The following ANKRD22 variants were observed in gnomAD, a reference collection of about 807,000 sequenced individuals.
The protein encoded by ANKRD22 is ankyrin repeat domain-containing protein 22.
In ANKRD22, 24 loss-of-function variants were observed where a neutral mutation model predicts 25.7. That is an observed-to-expected ratio of 0.93 (90% CI 0.68 to 1.31). The LOEUF is 1.31. ANKRD22 is among the 50% of genes most tolerant of loss of function. ANKRD22 has a pLI of 0.00. For synonymous variants in ANKRD22, 84 were observed against 84.3 expected (o/e 1.00, Z 0.02); for missense variants, 214 against 227.1 (o/e 0.94, Z 0.37).
chr10:88,838,477 A>C (rs1207660365), intron 1 of ANKRD22, among the ~76,000 whole-genome samples: 2 of 152,218 alleles, frequency 1.3e-5, no homozygotes, highest in Non-Finnish European at 2.9e-5. Flanking sequence ...CATGTGGTCT[A>C]TTAGAAAAGT....
In ANKRD22 at chr10:88,836,068, T is replaced by C. The variant is rs190474154; in HGVS notation, c.22-4042A>G. On this transcript the variant is annotated intron_variant, in intron 1 of 5. Transcript: ENST00000371930. ...CTTCTGTCCATCCTCACTGCTAAAG[T>C]ACTGCTTCAGATCTTCATCATTCTC... Among the ~76,000 whole-genome samples the C allele has an allele frequency of 2.0e-4, 31 of 152,356 alleles. No individual in the cohort carries two copies. In the East Asian group the frequency reaches 2.3e-3, roughly 11 times the overall value.
chr10:88,828,475 A>G (rs1843875026), intron 3 of ANKRD22, 84 bp downstream of exon 3: 4 of 1,044,292 alleles, frequency 3.8e-6, no homozygotes, highest in Non-Finnish European at 2.9e-6. Context: ...ATTTCTTTTC[A>G]ACATCTCACT....
In ANKRD22 at chr10:88,824,077, T is replaced by C. The variant is rs562534392; in HGVS notation, c.400-699A>G. Among the ~76,000 whole-genome samples the C allele has an allele frequency of 1.1e-3, 160 of 152,332 alleles. 1 individual carries two copies. The highest frequency in any genetic ancestry group is 3.8e-3 in the African/African-American group (160 of 41,572). On this transcript the variant is annotated intron_variant, in intron 4 of 5. Transcript: ENST00000371930. ...GGCCCTTTACATAAACATTATCCTC[T>C]ATGGTTTTGGTGATGATTCCTACTG...
chr10:88,841,130 C>A (rs958635506), intron 1 of ANKRD22, among the ~76,000 whole-genome samples: 6 of 152,140 alleles, frequency 3.9e-5, no homozygotes, highest in African/African-American at 1.4e-4. Flanking sequence ...CCCATTGCCA[C>A]ACTTCTGACT....
At chr10:88,827,587 G>A (rs966903025) in intron 3 of ANKRD22, among the ~76,000 whole-genome samples, 9 of 152,106 alleles carry the variant, frequency 5.9e-5, no homozygotes, top group African/African-American at 2.2e-4. Flanking sequence ...AATTCTTCGA[G>A]GATATGAGCA....
chr10:88,823,090 ACTCT>A (rs1485805097), intron 5 of ANKRD22, 72 bp from the exon 6 acceptor site: 1 of 1,465,372 alleles, frequency 6.8e-7, no homozygotes, highest in Admixed American at 1.7e-5. Context: ...AGACCAATTG[ACTCT>A]CTGTGTTGGC....
Position 88,822,992 on chromosome 10 carries a change from T to C in ANKRD22, c.525A>G (p.Ala175=), listed in dbSNP as rs1356785928. 4 of 1,613,674 alleles carry C rather than the reference T, an allele frequency of 2.5e-6. No homozygotes were observed. The highest frequency in any genetic ancestry group is 2.2e-5 in the East Asian group (1 of 44,870). The change falls in exon 6 of 6, where the codon GCA becomes GCG. Residue 175 remains alanine (A), a synonymous_variant. Transcript: ENST00000371930. ...NKHGESSLDI[A]RRLKFSQIEL... The stretch of plus-strand genomic sequence containing the variant: ...CAATCTGGGAAAATTTTAATCTCCG[T>C]GCAATATCCAGTGAGCTCTCACCAT...
intron 4 of ANKRD22, 137 bp from the exon 5 acceptor site, chr10:88,823,515 G>T: frequency 1.4e-6 from 1 of 698,460 alleles, no homozygotes; most frequent in African/African-American, 1.8e-5. Context: ...ACCATTGATA[G>T]ACAACTATTT....
At chr10:88,827,603 T>C (rs1434448684) in intron 3 of ANKRD22, among the ~76,000 whole-genome samples, 1 of 152,270 alleles carries the variant, frequency 6.6e-6, no homozygotes, top group East Asian at 1.9e-4. Flanking sequence ...GAGCAGATTA[T>C]ATTTTTATTA....
chr10:88,834,505 G>T (rs1026758738), intron 1 of ANKRD22, among the ~76,000 whole-genome samples: 1 of 152,200 alleles, frequency 6.6e-6, no homozygotes, highest in Non-Finnish European at 1.5e-5. Context: ...GAAATTGGTG[G>T]TCTACCATGA....
chr10:88,837,497 T>A (rs1195183427), intron 1 of ANKRD22, among the ~76,000 whole-genome samples: 2 of 152,130 alleles, frequency 1.3e-5, no homozygotes, highest in East Asian at 3.9e-4. Flanking sequence ...AGAAGGAAAA[T>A]TCTGGCTCTA....
chr10:88,823,005 G>A lies in ANKRD22; in HGVS notation c.512C>T (p.Ser171Leu). ...TTTTAATCTCCGTGCAATATCCAGT[G>A]AGCTCTCACCATGCTGAGGGGGGAA... ...PTIKNKHGES[S>L]LDIARRLKFS... Residue 171 changes from serine to leucine, a missense_variant, in exon 6 of 6, where the codon TCA becomes TTA. Ser to Leu is a moderately radical substitution (Grantham distance 145). Transcript: ENST00000371930. The A allele has an allele frequency of 6.2e-7, 1 of 1,613,416 alleles. No individual in the cohort carries two copies. Among genetic ancestry groups the A allele is most frequent in the Non-Finnish European group, 8.5e-7 (1 of 1,179,454 alleles).
intron 3 of ANKRD22, among the ~76,000 whole-genome samples, chr10:88,827,909 A>T (rs769631512): frequency 6.6e-6 from 1 of 152,210 alleles, no homozygotes; most frequent in Non-Finnish European, 1.5e-5. Context: ...AAAGTGAGTA[A>T]GTCAGTGCAG....
Position 88,826,061 on chromosome 10 carries a change from CG to C in ANKRD22, c.375del (p.Val126SerfsTer20), listed in dbSNP as rs1843853203. On this transcript the variant is annotated frameshift_variant, in exon 4 of 6. Transcript: ENST00000371930. LOFTEE classifies it high-confidence loss of function. ...EALVRMLLDA[G>X]VEVNATDCYG... ...ACACAATCTGTAGCATTAACTTCGA[CG>C]CCAGCATCAAGTAGCATTCGTACAA... 1 of 1,612,740 alleles carries C rather than the reference CG, an allele frequency of 6.2e-7. No individual in the cohort carries two copies. The highest frequency in any genetic ancestry group is 1.7e-4 in the Middle Eastern group (1 of 6,054).
rs141889360 is a variant in ANKRD22 at position 88,849,987 on chromosome 10, G to A, written c.21+1600C>T. 2.5e-3 allele frequency among the ~76,000 whole-genome samples: 370 copies of A among 150,182 alleles called. 1 individual carries two copies. Among genetic ancestry groups the A allele is most frequent in the African/African-American group, 8.2e-3 (335 of 41,076 alleles). ...TGTCCCCAATCTAGAGGAGCTTCCC[G>A]CACTCAAATTGGGGGAAGTTTTTTT... On this transcript the variant is annotated intron_variant, in intron 1 of 5. Coordinates refer to ENST00000371930, the MANE Select transcript of ANKRD22 (RefSeq NM_144590.3).
rs561078595 is a variant in ANKRD22, at chr10:88,837,463, G to A, written c.22-5437C>T. On this transcript the variant is annotated intron_variant, in intron 1 of 5. Transcript: ENST00000371930. ...GAGATGATAGGATAGAGAGCATTAA[G>A]ATGGAAACATTAGTCTCCTACATAG... 5.4e-4 allele frequency among the ~76,000 whole-genome samples: 82 copies of A among 152,296 alleles called. 1 individual carries two copies. Among genetic ancestry groups the A allele is most frequent in the African/African-American group, 1.9e-3 (79 of 41,578 alleles).
rs1346435619 is a variant in ANKRD22 at position 88,835,866 on chromosome 10, G to A, written c.22-3840C>T. On this transcript the variant is annotated intron_variant, in intron 1 of 5. Transcript: ENST00000371930. ...GCAGAAGGGAAGTCCAATAGAAAGTGCTGGTTCACAAGCCAGGTATGAAAA... is the reference window on the plus strand; with the variant it reads ...GCAGAAGGGAAGTCCAATAGAAAGTACTGGTTCACAAGCCAGGTATGAAAA... Among the ~76,000 whole-genome samples the A allele has an allele frequency of 4.6e-5, 7 of 152,240 alleles. No individual in the cohort carries two copies. The East Asian group carries it at 9.6e-4, about 21-fold the overall frequency.
chr10:88,828,697 T>G (rs1490983800), intron 2 of ANKRD22, 31 bp from the exon 3 acceptor site: 2 of 1,484,852 alleles, frequency 1.3e-6, no homozygotes, highest in Non-Finnish European at 1.8e-6. Context: ...TCTTTACTAA[T>G]AAAGCATTTC....
intron 1 of ANKRD22, among the ~76,000 whole-genome samples, chr10:88,841,933 G>A (rs937734268): frequency 1.3e-5 from 2 of 151,976 alleles, no homozygotes; most frequent in Admixed American, 1.3e-4. Context: ...TTCCTGAATC[G>A]GTATTTGCTC....
Sources: allele counts gnomAD v4.1 joint callset (sites outside exome capture counted in the v4.1 genomes callset), GRCh38; gene constraint gnomAD v4.1.1; transcripts MANE v1.5; gene names NCBI Gene and HGNC (gene_info 2026-07-23, HGNC 2026-07-21).